Variants in LIMCH1 observed in about 807,000 individuals in gnomAD.
LIMCH1 encodes LIM and calponin homology domains 1, also known as LIM and calponin homology domains-containing protein 1.
In LIMCH1, 113 loss-of-function variants were observed where a neutral mutation model predicts 176.5. That is an observed-to-expected ratio of 0.64 (90% CI 0.55 to 0.75). The LOEUF is 0.75. LIMCH1 is among the 30% of genes least tolerant of loss of function. LIMCH1 has a pLI of 0.00. For synonymous variants in LIMCH1, 619 were observed against 645.9 expected (o/e 0.96, Z 0.63); for missense variants, 1,674 against 1,814.9 (o/e 0.92, Z 1.41).
intron 2 of LIMCH1, among the ~76,000 whole-genome samples, chr4:41,601,891 C>CT (rs1489349471): frequency 6.6e-6 from 1 of 152,022 alleles, no homozygotes; most frequent in East Asian, 1.9e-4. Context: ...TGTTGTCCCT[C>CT]TAAGAGCTGA....
intron 1 of LIMCH1, among the ~76,000 whole-genome samples, chr4:41,578,510 A>T (rs1262577142): frequency 6.6e-6 from 1 of 152,162 alleles, no homozygotes; most frequent in Non-Finnish European, 1.5e-5. Flanking sequence ...TTGATAGCTG[A>T]ATCTGAGACT....
chr4:41,459,813 A>G (rs554811574), intron 1 of LIMCH1, among the ~76,000 whole-genome samples: 53 of 152,274 alleles, frequency 3.5e-4, no homozygotes, highest in African/African-American at 1.2e-3. Context: ...AGCTAGAACC[A>G]TGACGAAGCT....
intron 1 of LIMCH1, among the ~76,000 whole-genome samples, chr4:41,540,955 A>G (rs1411358142): frequency 6.6e-6 from 1 of 152,210 alleles, no homozygotes; most frequent in African/African-American, 2.4e-5. Flanking sequence ...TTAAAAAGGA[A>G]TGTTGAGTAG....
intron 1 of LIMCH1, among the ~76,000 whole-genome samples, chr4:41,458,634 C>A (rs180679781): frequency 7.1e-6 from 1 of 141,614 alleles, no homozygotes; most frequent in Non-Finnish European, 1.5e-5. Flanking sequence ...ATTAGCTGGG[C>A]GTGGTGGCAT....
rs565456482 is a variant in LIMCH1 at position 41,447,658 on chromosome 4, G to A, written c.97-46878G>A. On this transcript the variant is annotated intron_variant, in intron 1 of 26. Transcript: ENST00000313860. Reference sequence around the variant, plus strand: ...GATTAATTCTGGATCCTGAAAATGCGGGACCATGGAGACGAGAATATCGAG... The same window carrying A: ...GATTAATTCTGGATCCTGAAAATGCAGGACCATGGAGACGAGAATATCGAG... Among the ~76,000 whole-genome samples, 6 of 152,292 alleles carry A rather than the reference G, an allele frequency of 3.9e-5. 1 individual carries two copies. Among genetic ancestry groups the A allele is most frequent in the African/African-American group, 1.2e-4 (5 of 41,548 alleles).
chr4:41,641,256 C>T (rs377525635), intron 14 of LIMCH1, among the ~76,000 whole-genome samples: 8 of 152,228 alleles, frequency 5.3e-5, no homozygotes, highest in East Asian at 1.9e-4. Flanking sequence ...ATCCCATATC[C>T]GCCAACCCCC....
At chr4:41,450,710 G>T (rs1409383596) in intron 1 of LIMCH1, among the ~76,000 whole-genome samples, 2 of 141,762 alleles carry the variant, frequency 1.4e-5, no homozygotes, top group Admixed American at 7.5e-5. Context: ...CAGGAGAATT[G>T]TTTGAACCCG....
At chr4:41,457,372 A>G (rs954500425) in intron 1 of LIMCH1, among the ~76,000 whole-genome samples, 1 of 152,052 alleles carries the variant, frequency 6.6e-6, no homozygotes, top group Non-Finnish European at 1.5e-5. Context: ...AACGTAGGGA[A>G]ATTATGTGGA....
chr4:41,465,869 G>A (rs2066029035), intron 1 of LIMCH1, among the ~76,000 whole-genome samples: 1 of 151,430 alleles, frequency 6.6e-6, no homozygotes, highest in Non-Finnish European at 1.5e-5. Context: ...TGTATCTATT[G>A]CCTATGCCTG....
In LIMCH1 at chr4:41,644,546, C is replaced by A; in HGVS notation, c.2173C>A (p.Gln725Lys). The A allele has an allele frequency of 1.2e-6, 2 of 1,601,926 alleles. No individual in the cohort carries two copies. ...DMRCEEEAAV[Q>K]PHSRARQEQL... is the part of the protein sequence containing the mutation. ...GCGGTGTGAGGAGGAGGCCGCGGTGCAGCCGCACAGCAGGGCCCGCCAGGA... is the reference window on the plus strand; with the variant it reads ...GCGGTGTGAGGAGGAGGCCGCGGTGAAGCCGCACAGCAGGGCCCGCCAGGA... The change falls in exon 15 of 32, where the codon CAG (glutamine) becomes AAG (lysine). Residue 725 changes from glutamine (Q) to lysine (K), a missense_variant. Physicochemically the swap from Gln to Lys is moderately conservative, Grantham distance 53. Around this residue, in one of 3 missense-constraint regions of LIMCH1, gnomAD observed 1,015 missense variants for 1,102.5 expected, o/e 0.92. Transcript: ENST00000503057.
At chr4:41,651,332 A>C (rs1272992218) in intron 18 of LIMCH1, among the ~76,000 whole-genome samples, 1 of 152,136 alleles carries the variant, frequency 6.6e-6, no homozygotes, top group Non-Finnish European at 1.5e-5. Flanking sequence ...GAAGAACACC[A>C]GTCATACTGA....
At position 41,697,369 on chromosome 4, in the gene LIMCH1, G is replaced by A. The variant is rs937169399; in HGVS notation, c.*184G>A. The A allele has an allele frequency of 3.5e-5, 18 of 508,342 alleles. No homozygotes were observed. The highest frequency in any genetic ancestry group is 5.4e-5 in the Non-Finnish European group (16 of 293,600). The allele number at this position is 508,342 out of a possible 1,614,324, so 31.5% of individuals were successfully genotyped here. A position where few individuals can be genotyped will look rare whatever the true frequency, so the allele number is the denominator to read the frequency against. On this transcript the variant is annotated 3_prime_UTR_variant, in exon 32 of 32. Coordinates refer to ENST00000503057, the MANE Select transcript of LIMCH1 (RefSeq NM_001330672.2). Reference sequence around the variant, plus strand: ...TTATGTTTTTCCTGTTTATTGTTTTGGTTTTTTTTTTTTTTTTGCATTTGC... The same window carrying A: ...TTATGTTTTTCCTGTTTATTGTTTTAGTTTTTTTTTTTTTTTTGCATTTGC...
At chr4:41,621,687 A>G (rs2092592731) in intron 7 of LIMCH1, among the ~76,000 whole-genome samples, 1 of 152,054 alleles carries the variant, frequency 6.6e-6, no homozygotes, top group Admixed American at 6.6e-5. Context: ...TTTTTAGTAG[A>G]GATGGGGTTT....
At chr4:41,612,536 G>A (rs1169463517) in intron 4 of LIMCH1, 2 of 702,334 alleles carry the variant, frequency 2.8e-6, no homozygotes, top group Admixed American at 4.0e-5. Flanking sequence ...TTTTGTTTTA[G>A]TCAGCCTGGA....
At chr4:41,671,138 C>G (rs2095007547) in intron 21 of LIMCH1, 1 of 374,762 alleles carries the variant, frequency 2.7e-6, no homozygotes, top group African/African-American at 2.2e-5. Context: ...GTGTTTGCTT[C>G]CTGGGTGACA....
At chr4:41,553,962 G>C (rs1196402124) in intron 1 of LIMCH1, among the ~76,000 whole-genome samples, 1 of 152,166 alleles carries the variant, frequency 6.6e-6, no homozygotes, top group African/African-American at 2.4e-5. Context: ...TATTAGGCCA[G>C]AGCAAGTCAG....
At chr4:41,569,818 C>A (rs1402302350) in intron 1 of LIMCH1, among the ~76,000 whole-genome samples, 2 of 152,200 alleles carry the variant, frequency 1.3e-5, no homozygotes, top group African/African-American at 4.8e-5. Context: ...ATCAAATTCA[C>A]TTTAGTTCAC....
At chr4:41,405,789 TA>T (rs1234037339) in intron 1 of LIMCH1, among the ~76,000 whole-genome samples, 7 of 152,026 alleles carry the variant, frequency 4.6e-5, no homozygotes, top group Non-Finnish European at 7.4e-5. Flanking sequence ...CAATGAAACA[TA>T]AAATCTTGTT....
At chr4:41,532,408 T>C (rs565547463) in intron 3 of LIMCH1, among the ~76,000 whole-genome samples, 1 of 152,266 alleles carries the variant, frequency 6.6e-6, no homozygotes, top group South Asian at 2.1e-4. Flanking sequence ...TCCAAACACT[T>C]CAGAAACGTA....
Sources: gnomAD v4.1 joint callset for allele counts (sites outside exome capture counted in the v4.1 genomes callset) on GRCh38, gnomAD v4.1.1 for gene constraint, gnomAD v4.1.1 regional missense constraint, MANE v1.5 for transcripts, NCBI Gene and HGNC (gene_info 2026-07-23, HGNC 2026-07-21) for gene names.